ERAP1: variants seen among roughly 807,000 people sequenced by gnomAD.
The protein encoded by ERAP1 is adipocyte-derived leucine aminopeptidase.
ERAP1 carries 86 observed loss-of-function variants against 103.7 expected under a neutral mutation model. The ratio of observed to expected loss-of-function variants is 0.83; its 90% CI spans 0.70 to 0.99. ERAP1 has a LOEUF of 0.99. Among genes scored for constraint, ERAP1 ranks in the 50% least tolerant of loss-of-function variants. The pLI is 0.00. For missense variants in ERAP1, 1,009 were observed against 1,128.4 expected, an observed-to-expected ratio of 0.89 and a Z score of 1.52; for synonymous variants, 398 against 402.4, an observed-to-expected ratio of 0.99 and a Z score of 0.13.
chr5:96,858,084 C>T, the ERAP1 span, among the ~76,000 whole-genome samples: 28 of 152,126 alleles, frequency 1.8e-4, no homozygotes, highest in Admixed American at 6.5e-4. Context: ...GAGGCTGAAC[C>T]GTGGATTCTA....
the ERAP1 span, among the ~76,000 whole-genome samples, chr5:96,819,664 C>G: frequency 1.7e-3 from 264 of 152,020 alleles, no homozygotes; most frequent in African/African-American, 6.2e-3. Flanking sequence ...TTTTTACGTA[C>G]TAAGGACCAG....
the ERAP1 span, among the ~76,000 whole-genome samples, chr5:96,893,111 AT>A: frequency 6.6e-6 from 1 of 152,194 alleles, no homozygotes; most frequent in African/African-American, 2.4e-5. Context: ...AAATACTACT[AT>A]TTCTTGCAAA....
rs200923100 is a variant in ERAP1 at position 96,801,742 on chromosome 5, C to T, written c.525-742G>A. ...TGGTGCGCGTCTGTAATCCCAGCTACTCAGGAGGCTGAGGCAGGAGAATTG... is the reference window on the plus strand; with the variant it reads ...TGGTGCGCGTCTGTAATCCCAGCTATTCAGGAGGCTGAGGCAGGAGAATTG... On this transcript the variant is annotated intron_variant, in intron 2 of 18. Transcript: ENST00000443439. Among the ~76,000 whole-genome samples the T allele has an allele frequency of 1.0e-4, 15 of 149,812 alleles. No homozygotes were observed. The East Asian group carries it at 3.0e-3, about 30-fold the overall frequency.
the ERAP1 span, among the ~76,000 whole-genome samples, chr5:96,912,033 C>CA: frequency 2.7e-5 from 4 of 148,590 alleles, no homozygotes; most frequent in Admixed American, 1.3e-4. Context: ...ACTAAAAATA[C>CA]AAAAAAATTA....
At chr5:96,849,465 C>T in the ERAP1 span, among the ~76,000 whole-genome samples, 1 of 152,106 alleles carries the variant, frequency 6.6e-6, no homozygotes, top group Non-Finnish European at 1.5e-5. Context: ...CATTTCCATA[C>T]ACTAACAATG....
the ERAP1 span, chr5:96,935,282 A>G: frequency 3.9e-5 from 6 of 152,300 alleles, no homozygotes; most frequent in African/African-American, 7.2e-5. Context: ...GCCCGCACCT[A>G]GAGGCCGCAA....
chr5:96,888,137 A>AG, the ERAP1 span, among the ~76,000 whole-genome samples: 20 of 135,248 alleles, frequency 1.5e-4, no homozygotes, highest in African/African-American at 1.1e-4. Context: ...AAGAAAAAAA[A>AG]AAAGAAAGAA....
the ERAP1 span, among the ~76,000 whole-genome samples, chr5:96,899,659 G>A: frequency 1.3e-3 from 192 of 152,300 alleles, no homozygotes; most frequent in African/African-American, 4.6e-3. Flanking sequence ...GATAGCCACT[G>A]TAGGAATACC....
chr5:96,832,700 T>A, the ERAP1 span, among the ~76,000 whole-genome samples: 2 of 152,226 alleles, frequency 1.3e-5, no homozygotes, highest in African/African-American at 2.4e-5. Context: ...TTTAAGTCTC[T>A]GAAAATGTGC....
At chr5:96,932,532 C>G in the ERAP1 span, among the ~76,000 whole-genome samples, 1 of 152,084 alleles carries the variant, frequency 6.6e-6, no homozygotes, top group African/African-American at 2.4e-5. Context: ...CTTGTGGAAA[C>G]TGGGAGACAA....
the ERAP1 span, chr5:96,909,120 T>C: frequency 1.2e-6 from 2 of 1,613,710 alleles, no homozygotes; most frequent in Non-Finnish European, 1.7e-6. Flanking sequence ...ACCTCAAGGT[T>C]TGTGTTGCTT....
chr5:96,812,578 G>C (rs1295106802), upstream of ERAP1, among the ~76,000 whole-genome samples: 1 of 152,140 alleles, frequency 6.6e-6, no homozygotes, highest in Non-Finnish European at 1.5e-5. Flanking sequence ...TTTTTTGAGG[G>C]ACCATGGTGT....
the ERAP1 span, chr5:96,935,765 G>A: frequency 4.8e-6 from 1 of 209,284 alleles, no homozygotes; most frequent in East Asian, 1.1e-4. Context: ...GTGTCTCGGC[G>A]TCCGGGATCG....
rs909430478 is a variant in ERAP1, at chr5:96,774,521, T to C, written c.*1875A>G. On this transcript the variant is annotated 3_prime_UTR_variant, in exon 19 of 19. Transcript: ENST00000443439. ...AACAATTTTTTATTATCAAAAAGGT[T>C]TCTGCACATTGTTGTGGCAATATTG... 1.0e-6 allele frequency: 1 copy of C among 986,372 alleles called. No homozygotes were observed. The highest frequency in any genetic ancestry group is 6.1e-5 in the Admixed American group (1 of 16,284). The allele number at this position is 986,372 out of a possible 1,614,324, so 61.1% of individuals were successfully genotyped here. A position where few individuals can be genotyped will look rare whatever the true frequency, so the allele number is the denominator to read the frequency against.
the ERAP1 span, chr5:96,873,211 G>T: frequency 2.6e-6 from 1 of 380,522 alleles, no homozygotes. Context: ...ATGAAAATTC[G>T]TGAAATCTTT....
In ERAP1 at chr5:96,781,682, G is replaced by T. The variant is rs1047734667; in HGVS notation, c.2447+11C>A. 18 of 1,613,892 alleles carry T rather than the reference G, an allele frequency of 1.1e-5. No homozygotes were observed. The African/African-American group carries it at 2.3e-4, about 20-fold the overall frequency. On this transcript the variant is annotated intron_variant, in intron 16 of 18. Coordinates refer to ENST00000443439, the MANE Select transcript of ERAP1 (RefSeq NM_001040458.3). ...CTTGGCCACATGAACATGAATGAAT[G>T]ACGGACTCACCATTGAAGCTTTTCC...
the ERAP1 span, among the ~76,000 whole-genome samples, chr5:96,887,118 C>G: frequency 2.0e-5 from 3 of 148,858 alleles, no homozygotes. Flanking sequence ...CACACACACA[C>G]ACACACACAT....
At chr5:96,922,316 CA>C in the ERAP1 span, among the ~76,000 whole-genome samples, 2 of 151,632 alleles carry the variant, frequency 1.3e-5, no homozygotes, top group Non-Finnish European at 2.9e-5. Flanking sequence ...AAAACAAAAA[CA>C]AAAAAAACTG....
chr5:96,817,806 C>T, the ERAP1 span, among the ~76,000 whole-genome samples: 1 of 152,186 alleles, frequency 6.6e-6, no homozygotes, highest in Non-Finnish European at 1.5e-5. Flanking sequence ...TGCCTGTCTC[C>T]CTACCGAACT....
Sources: allele counts gnomAD v4.1 joint callset (sites outside exome capture counted in the v4.1 genomes callset), GRCh38; gene constraint gnomAD v4.1.1; transcripts MANE v1.5; gene names NCBI Gene and HGNC (gene_info 2026-07-23, HGNC 2026-07-21).